KLHL13: variants seen among roughly 807,000 people sequenced by gnomAD.
The protein encoded by KLHL13 is kelch-like protein 13.
KLHL13 carries 10 observed loss-of-function variants against 37.1 expected under a neutral mutation model. That is an observed-to-expected ratio of 0.27 (90% confidence interval 0.17 to 0.46). The LOEUF is 0.46. Among genes scored for constraint, KLHL13 ranks in the 20% least tolerant of loss-of-function variants. The probability of loss-of-function intolerance (pLI) is 1.00; values close to 1 mark genes in which losing one functional copy is unlikely to be tolerated. For missense variants in KLHL13, 360 were observed against 509.3 expected, an observed-to-expected ratio of 0.71 and a Z score of 2.82; for synonymous variants, 163 against 181.2, an observed-to-expected ratio of 0.90 and a Z score of 0.81.
At chrX:118,007,660 G>A (rs745943175) in intron 1 of KLHL13, among the ~76,000 whole-genome samples, 3 of 111,370 alleles carry the variant, frequency 2.7e-5, no homozygotes, top group East Asian at 5.7e-4. Flanking sequence ...CAGCTATGTC[G>A]TGCTGTGCTG....
chrX:118,107,251 A>G (rs965506622), intron 1 of KLHL13, among the ~76,000 whole-genome samples: 34 of 112,306 alleles, frequency 3.0e-4, no homozygotes, highest in African/African-American at 1.1e-3. Context: ...TGTATTAAAA[A>G]CTGACATTTT....
At chrX:118,047,020 A>G (rs903646306) in intron 1 of KLHL13, among the ~76,000 whole-genome samples, 3 of 111,842 alleles carry the variant, frequency 2.7e-5, no homozygotes, top group Admixed American at 9.5e-5. Flanking sequence ...TCTTGTGAGG[A>G]ATGCAAATAC....
At chrX:117,934,674 A>G (rs571029033) in intron 2 of KLHL13, among the ~76,000 whole-genome samples, 1 of 110,285 alleles carries the variant, frequency 9.1e-6, no homozygotes, top group Middle Eastern at 4.8e-3. Context: ...ATATATATAT[A>G]CACATATATG....
chrX:117,938,022 T>C (rs1297452778), intron 2 of KLHL13, among the ~76,000 whole-genome samples: 1 of 112,338 alleles, frequency 8.9e-6, no homozygotes, highest in Non-Finnish European at 1.9e-5. Context: ...ACACGGACTT[T>C]GGTGATTAGC....
intron 1 of KLHL13, among the ~76,000 whole-genome samples, chrX:118,071,035 C>T (rs2054857384): frequency 9.1e-6 from 1 of 110,418 alleles, no homozygotes; most frequent in Admixed American, 9.7e-5. Flanking sequence ...CGATAGTTTA[C>T]TGAGAATGAT....
intron 1 of KLHL13, among the ~76,000 whole-genome samples, chrX:118,032,723 G>A (rs780165696): frequency 7.1e-5 from 8 of 112,326 alleles, no homozygotes; most frequent in African/African-American, 2.3e-4. Flanking sequence ...CACCAGCAAC[G>A]GAACAAAGCT....
chrX:118,072,389 C>A (rs1188539719), intron 1 of KLHL13, among the ~76,000 whole-genome samples: 6 of 112,465 alleles, frequency 5.3e-5, no homozygotes, highest in East Asian at 2.8e-4. Context: ...AGAAGAAAAC[C>A]TAGGCATTAC....
intron 1 of KLHL13, among the ~76,000 whole-genome samples, chrX:118,049,301 C>CA (rs2054590853): frequency 9.0e-6 from 1 of 111,615 alleles, no homozygotes; most frequent in Non-Finnish European, 1.9e-5. Flanking sequence ...ACGACAAAAT[C>CA]AAAAAACCGC....
chrX:117,940,551 G>A (rs137997806), intron 2 of KLHL13, among the ~76,000 whole-genome samples: 10,237 of 111,344 alleles, frequency 0.092, 439 homozygotes, highest in African/African-American at 0.16. Context: ...CCATTTTCAC[G>A]ATACTGATTC....
chrX:118,042,778 G>A (rs1383325345), intron 1 of KLHL13, among the ~76,000 whole-genome samples: 2 of 110,685 alleles, frequency 1.8e-5, no homozygotes, highest in African/African-American at 3.3e-5. Flanking sequence ...AGTTATAAAT[G>A]CCTACATCAA....
At chrX:117,918,755 T>C in intron 4 of KLHL13, among the ~76,000 whole-genome samples, 1 of 111,802 alleles carries the variant, frequency 8.9e-6, no homozygotes, top group Non-Finnish European at 1.9e-5. Flanking sequence ...CAGTAGGTGA[T>C]ATGTTTCTAT....
At chrX:118,114,960 T>C (rs769714222) in intron 1 of KLHL13, among the ~76,000 whole-genome samples, 2 of 112,209 alleles carry the variant, frequency 1.8e-5, no homozygotes, top group South Asian at 7.5e-4. Flanking sequence ...TAAGACGTGC[T>C]ACCAGGACAG....
At chrX:118,077,994 T>C (rs977919436) in intron 1 of KLHL13, among the ~76,000 whole-genome samples, 2 of 112,489 alleles carry the variant, frequency 1.8e-5, no homozygotes, top group African/African-American at 6.4e-5. Flanking sequence ...GAATGTCATA[T>C]TCAAGTTTTT....
intron 1 of KLHL13, among the ~76,000 whole-genome samples, chrX:118,037,597 G>A (rs943567267): frequency 9.2e-6 from 1 of 108,702 alleles, no homozygotes; most frequent in East Asian, 2.9e-4. Context: ...ACTGTTGTGG[G>A]GTGGGGGAAG....
At chrX:117,989,345 G>A (rs998902025) in intron 1 of KLHL13, among the ~76,000 whole-genome samples, 1 of 110,607 alleles carries the variant, frequency 9.0e-6, no homozygotes, top group Non-Finnish European at 1.9e-5. Flanking sequence ...GCTGAGAGAA[G>A]TGGAAAACAA....
chrX:117,901,932 A>G, exon 6 of KLHL13: 1 of 1,132,139 alleles, frequency 8.8e-7, no homozygotes, highest in Non-Finnish European at 1.2e-6. Flanking sequence ...CTTGGATTGT[A>G]ACATTCTACT....
upstream of KLHL13, among the ~76,000 whole-genome samples, chrX:117,977,413 T>C (rs1310315172): frequency 9.0e-6 from 1 of 111,661 alleles, no homozygotes. Context: ...TAAAACTTAA[T>C]TTGCTAACTG....
At chrX:118,059,197 C>T (rs1444378472) in intron 1 of KLHL13, among the ~76,000 whole-genome samples, 1 of 111,808 alleles carries the variant, frequency 8.9e-6, no homozygotes. Context: ...ACTGTAACAG[C>T]TGTAATGACA....
chrX:117,916,034 T>G (rs1332932056), intron 4 of KLHL13, among the ~76,000 whole-genome samples: 1 of 111,702 alleles, frequency 9.0e-6, no homozygotes. Flanking sequence ...GGTGCATGCC[T>G]GTAATCCCAG....
Sources: allele counts gnomAD v4.1 joint callset (sites outside exome capture counted in the v4.1 genomes callset), GRCh38; gene constraint gnomAD v4.1.1; transcripts MANE v1.5; gene names NCBI Gene and HGNC (gene_info 2026-07-23, HGNC 2026-07-21).